PCDHGA1: variants seen among roughly 807,000 people sequenced by gnomAD.
The protein encoded by PCDHGA1 is protocadherin gamma-A1.
Under a neutral mutation model 58.0 loss-of-function variants are expected in PCDHGA1, and 32 were observed. That is an observed-to-expected ratio of 0.55 (90% CI 0.42 to 0.74). PCDHGA1 has a LOEUF of 0.74. Among genes scored for constraint, PCDHGA1 ranks in the 30% least tolerant of loss-of-function variants. PCDHGA1 has a pLI of 0.00. For synonymous variants in PCDHGA1, 498 were observed against 501.1 expected, an observed-to-expected ratio of 0.99 and a Z score of 0.08; for missense variants, 1,205 against 1,182.3, an observed-to-expected ratio of 1.02 and a Z score of -0.28.
intron 1 of PCDHGA1, among the ~76,000 whole-genome samples, chr5:141,462,068 C>T (rs1006462521): frequency 6.6e-6 from 1 of 152,196 alleles, no homozygotes; most frequent in African/African-American, 2.4e-5. Context: ...GGTGATCTGC[C>T]CGCCTTGGCC....
At position 141,431,828 on chromosome 5, in the gene PCDHGA1, C is replaced by G. The variant is rs750949066; in HGVS notation, c.2422-62979C>G. ...CCTCACCTCTCTCGCCAGCTCGGTTCCCGAAAACTCTCCCAGAGGGACATT... is the reference window on the plus strand; with the variant it reads ...CCTCACCTCTCTCGCCAGCTCGGTTGCCGAAAACTCTCCCAGAGGGACATT... On this transcript the variant is annotated intron_variant, in intron 1 of 3. Coordinates refer to ENST00000517417, the MANE Select transcript of PCDHGA1 (RefSeq NM_018912.3). This position sits in a 1 kb window ranked among gnomAD's most constrained non-coding sequence, Gnocchi z 4.8. The G allele has an allele frequency of 5.6e-6, 9 of 1,610,208 alleles. No homozygotes were observed. Among genetic ancestry groups the G allele is most frequent in the Non-Finnish European group, 1.7e-6 (2 of 1,176,374 alleles).
rs2092610841 is a variant in PCDHGA1 at position 141,392,842 on chromosome 5, G to C, written c.2421+59737G>C. 6.2e-7 allele frequency: 1 copy of C among 1,609,194 alleles called. No homozygotes were observed. The highest frequency in any genetic ancestry group is 8.5e-7 in the Non-Finnish European group (1 of 1,177,812). On this transcript the variant is annotated intron_variant, in intron 1 of 3. Transcript: ENST00000517417. ...GCCGCTCCACAGAGTCGCCCCAGACGCGGCGAGCTGATCCTGCTGTGCGCG... is the reference window on the plus strand; with the variant it reads ...GCCGCTCCACAGAGTCGCCCCAGACCCGGCGAGCTGATCCTGCTGTGCGCG...
chr5:141,485,278 C>T lies in PCDHGA1; in HGVS notation c.2422-9529C>T. On this transcript the variant is annotated intron_variant, in intron 1 of 3. Transcript: ENST00000517417. The surrounding 1 kb of genome is among the most constrained non-coding windows in gnomAD (Gnocchi z 5.7). ...TTTGTGGGCAGATCCGCTACCCGGTCCCAGAGGAGTCACAGGAAGGGACTT... is the reference window on the plus strand; with the variant it reads ...TTTGTGGGCAGATCCGCTACCCGGTTCCAGAGGAGTCACAGGAAGGGACTT... 1 of 1,614,064 alleles carries T rather than the reference C, an allele frequency of 6.2e-7. No homozygotes were observed. The highest frequency in any genetic ancestry group is 1.1e-5 in the South Asian group (1 of 91,080).
rs191916514 is a variant in PCDHGA1, at chr5:141,456,716, G to A, written c.2422-38091G>A. 3.9e-3 allele frequency among the ~76,000 whole-genome samples: 589 copies of A among 152,314 alleles called. 5 individuals carry two copies. Among genetic ancestry groups the A allele is most frequent in the Admixed American group, 0.011 (169 of 15,300 alleles). On this transcript the variant is annotated intron_variant, in intron 1 of 3. Transcript: ENST00000517417. ...GTGGTGGCTCGCGCCTGTAATCCCA[G>A]CACTTTGGGAGGCTGAGGCGGGAGC...
At position 141,497,103 on chromosome 5, in the gene PCDHGA1, T is replaced by C. The variant is rs182534106; in HGVS notation, c.2480+2238T>C. On this transcript the variant is annotated intron_variant, in intron 2 of 3. Transcript: ENST00000517417. ...ACTTAGGAGGCTGAGGCAGAACTGC[T>C]TGAACCCGGAAGGCAGAGGTTGCAG... Among the ~76,000 whole-genome samples, 34 of 152,160 alleles carry C rather than the reference T, an allele frequency of 2.2e-4. 1 individual carries two copies. Among genetic ancestry groups the C allele is most frequent in the Admixed American group, 6.6e-4 (10 of 15,264 alleles).
chr5:141,451,163 G>A (rs2098709493), intron 1 of PCDHGA1, among the ~76,000 whole-genome samples: 1 of 152,086 alleles, frequency 6.6e-6, no homozygotes, highest in African/African-American at 2.4e-5. Flanking sequence ...TTTTTTGGTA[G>A]TATATTATTT....
At chr5:141,443,050 T>C (rs1290373918) in intron 1 of PCDHGA1, among the ~76,000 whole-genome samples, 1 of 152,236 alleles carries the variant, frequency 6.6e-6, no homozygotes, top group Non-Finnish European at 1.5e-5. Flanking sequence ...AAAATTATTG[T>C]TCCACTGAAG....
intron 1 of PCDHGA1, chr5:141,427,797 G>A (rs1194658203): frequency 6.0e-6 from 9 of 1,505,188 alleles, no homozygotes; most frequent in Admixed American, 3.4e-5. Context: ...CTACGTGTCC[G>A]TGAGCGCACA....
chr5:141,374,787 T>C, intron 1 of PCDHGA1: 1 of 1,613,904 alleles, frequency 6.2e-7, no homozygotes, highest in Non-Finnish European at 8.5e-7. Flanking sequence ...GTTCTAGATG[T>C]GAATGACAAC....
Position 141,352,700 on chromosome 5 carries a change from T to C in PCDHGA1, c.2421+19595T>C, listed in dbSNP as rs10043892. On this transcript the variant is annotated intron_variant, in intron 1 of 3. Transcript: ENST00000517417. ...TTTCTGCAAATCTAGTTAAATTTTA[T>C]ATATGGCGGCCGGGCGCGGTGGCTC... 4.8e-4 allele frequency: 746 copies of C among 1,549,878 alleles called. 3 individuals are homozygous for C. In the African/African-American group the frequency reaches 8.8e-3, roughly 18 times the overall value.
chr5:141,396,592 C>G (rs886214200), intron 1 of PCDHGA1: 3 of 151,870 alleles, frequency 2.0e-5, no homozygotes, highest in Admixed American at 2.0e-4. Context: ...TGCACTCCAG[C>G]CTGGGCAACA....
rs1184415258 is a variant in PCDHGA1 at position 141,332,032 on chromosome 5, C to T, written c.1348C>T (p.Pro450Ser). Residue 450 changes from proline (P) to serine (S), a missense_variant, in exon 1 of 4, where the codon CCA (proline) becomes TCA (serine). By Grantham distance (74) the Pro-to-Ser change is moderately conservative. Coordinates refer to ENST00000517417, the MANE Select transcript of PCDHGA1 (RefSeq NM_018912.3). The surrounding 1 kb of genome is among the most constrained non-coding windows in gnomAD (Gnocchi z 4.6). ...AGTGACAGATATCAATGACAACTCC[C>T]CAGTCTTCCATCAGGACTCCTACTC... ...LLVTDINDNS[P>S]VFHQDSYSAY... The T allele has an allele frequency of 1.9e-6, 3 of 1,614,152 alleles. No homozygotes were observed. The highest frequency in any genetic ancestry group is 1.7e-5 in the Admixed American group (1 of 60,024).
chr5:141,408,300 T>C lies in PCDHGA1; in HGVS notation c.2421+75195T>C. On this transcript the variant is annotated intron_variant, in intron 1 of 3. Coordinates refer to ENST00000517417, the MANE Select transcript of PCDHGA1 (RefSeq NM_018912.3). ...TTCTACCCCACCCTGAGTGAGCCGATCCGCTACTCGATTCCGGAGGAGCTG... is the reference window on the plus strand; with the variant it reads ...TTCTACCCCACCCTGAGTGAGCCGACCCGCTACTCGATTCCGGAGGAGCTG... The C allele has an allele frequency of 1.2e-6, 2 of 1,613,732 alleles. No homozygotes were observed. The highest frequency in any genetic ancestry group is 1.7e-6 in the Non-Finnish European group (2 of 1,179,694).
At chr5:141,418,830 G>T (rs371820904) in intron 1 of PCDHGA1, 44 of 1,613,858 alleles carry the variant, frequency 2.7e-5, no homozygotes, top group Non-Finnish European at 3.6e-5. Flanking sequence ...GCAAAAGACC[G>T]AGGATCTCTC....
chr5:141,368,121 T>C (rs1431804065), intron 1 of PCDHGA1, among the ~76,000 whole-genome samples: 2 of 152,228 alleles, frequency 1.3e-5, no homozygotes, highest in Non-Finnish European at 2.9e-5. Flanking sequence ...TATTAAAATA[T>C]TCTTAATCCT....
At chr5:141,444,056 A>G (rs1055292734) in intron 1 of PCDHGA1, among the ~76,000 whole-genome samples, 7 of 151,740 alleles carry the variant, frequency 4.6e-5, no homozygotes, top group Non-Finnish European at 7.4e-5. Context: ...GGCATCTTCA[A>G]TCTAGATTCT....
chr5:141,409,644 TG>T, intron 1 of PCDHGA1: 1 of 1,613,700 alleles, frequency 6.2e-7, no homozygotes, highest in Non-Finnish European at 8.5e-7. Flanking sequence ...GACCCGGATT[TG>T]GGGCTCAATG....
At chr5:141,403,645 A>G (rs2154534430) in intron 1 of PCDHGA1, 1 of 1,613,922 alleles carries the variant, frequency 6.2e-7, no homozygotes, top group South Asian at 1.1e-5. Flanking sequence ...TCCATGTGAC[A>G]GTGTTGGATA....
Position 141,409,613 on chromosome 5 carries a change from A to T in PCDHGA1, c.2421+76508A>T, listed in dbSNP as rs370495173. 6.6e-5 allele frequency: 107 copies of T among 1,613,738 alleles called. 1 individual carries two copies. The South Asian group carries it at 1.1e-3, about 17-fold the overall frequency. ...CGAGAACAACCCGCCAGGAGCCTCC[A>T]TTGCGCAAGTGAGCGCCTCTGACCC... On this transcript the variant is annotated intron_variant, in intron 1 of 3. Transcript: ENST00000517417.
Sources: allele counts gnomAD v4.1 joint callset (sites outside exome capture counted in the v4.1 genomes callset), GRCh38; gene constraint gnomAD v4.1.1; non-coding constraint Gnocchi (gnomAD v3.1); transcripts MANE v1.5; gene names NCBI Gene and HGNC (gene_info 2026-07-23, HGNC 2026-07-21).